ULK4: variants seen among roughly 807,000 people sequenced by gnomAD.
ULK4 encodes the protein inactive serine/threonine-protein kinase ULK4.
A neutral mutation model predicts 160.6 loss-of-function variants in ULK4; 133 were observed. The observed-to-expected ratio is 0.83, with a 90% CI of 0.72 to 0.96. The LOEUF is 0.96. Ranked by LOEUF, ULK4 falls within the 40% of genes least tolerant of loss-of-function variation. The probability of loss-of-function intolerance (pLI) is 0.00; values close to 1 mark genes in which losing one functional copy is unlikely to be tolerated. For synonymous variants in ULK4, 534 were observed against 539.8 expected, an observed-to-expected ratio of 0.99 and a Z score of 0.15; for missense variants, 1,580 against 1,499.5, an observed-to-expected ratio of 1.05 and a Z score of -0.89.
intron 30 of ULK4, among the ~76,000 whole-genome samples, chr3:41,628,790 T>A (rs571810672): frequency 6.6e-6 from 1 of 152,368 alleles, no homozygotes; most frequent in South Asian, 2.1e-4. Flanking sequence ...TGTAACATGT[T>A]AACAGTAGTG....
Position 41,249,571 on chromosome 3 carries a change from T to A in ULK4, c.3682A>T (p.Thr1228Ser). The change falls in exon 36 of 37, where the codon ACC (threonine) becomes TCC (serine). Residue 1228 changes from threonine (T) to serine (S), a missense_variant. Thr to Ser is a moderately conservative substitution (Grantham distance 58, BLOSUM62 1). Transcript: ENST00000301831. ...LLLRILRRMI[T>S]SNEKHLESLK... ...CTCTCCAAGTGCTTCTCATTGGAGGTGATCTGCAAGGGCAGGAGGAAGAAG... is the reference window on the plus strand; with the variant it reads ...CTCTCCAAGTGCTTCTCATTGGAGGAGATCTGCAAGGGCAGGAGGAAGAAG... 6.2e-7 allele frequency: 1 copy of A among 1,613,648 alleles called. No homozygotes were observed. The highest frequency in any genetic ancestry group is 8.5e-7 in the Non-Finnish European group (1 of 1,179,848).
intron 29 of ULK4, among the ~76,000 whole-genome samples, chr3:41,664,213 T>C (rs763279720): frequency 6.6e-6 from 1 of 152,172 alleles, no homozygotes; most frequent in Non-Finnish European, 1.5e-5. Flanking sequence ...AAGAGATCAA[T>C]AAACATTAGG....
chr3:41,844,967 C>CTTT (rs201354327), intron 17 of ULK4, among the ~76,000 whole-genome samples: 2,450 of 143,550 alleles, frequency 0.017, 47 homozygotes, highest in Non-Finnish European at 0.024. Context: ...ACCCAGATAT[C>CTTT]TTTTTTTTTT....
chr3:41,800,057 C>T (rs551935013), intron 20 of ULK4, 75 bp downstream of exon 20: 3 of 1,285,950 alleles, frequency 2.3e-6, no homozygotes, highest in Non-Finnish European at 3.1e-6. Flanking sequence ...TAAATTTATT[C>T]TTATTCTAAT....
At chr3:41,823,130 G>A (rs555622392) in intron 18 of ULK4, among the ~76,000 whole-genome samples, 17 of 152,264 alleles carry the variant, frequency 1.1e-4, no homozygotes, top group African/African-American at 4.1e-4. Context: ...TAGACAGGCT[G>A]GCTCCATCTC....
intron 21 of ULK4, among the ~76,000 whole-genome samples, chr3:41,789,081 G>C (rs1484086827): frequency 1.3e-5 from 2 of 152,150 alleles, no homozygotes; most frequent in Non-Finnish European, 2.9e-5. Flanking sequence ...TCTTTAACAA[G>C]GGACTAGAGA....
intron 19 of ULK4, among the ~76,000 whole-genome samples, chr3:41,817,066 C>CTGTGTG (rs55996693): frequency 0.014 from 2,157 of 148,962 alleles, 45 homozygotes; most frequent in African/African-American, 0.047. Context: ...TGTGGGGAAA[C>CTGTGTG]TGTGTGTGTG....
At chr3:41,733,367 T>G (rs1468858203) in intron 22 of ULK4, among the ~76,000 whole-genome samples, 3 of 152,096 alleles carry the variant, frequency 2.0e-5, no homozygotes, top group African/African-American at 7.2e-5. Context: ...TGATCTAGTT[T>G]GGAATACTGT....
intron 5 of ULK4, among the ~76,000 whole-genome samples, chr3:41,920,315 T>A (rs1699140022): frequency 6.6e-6 from 1 of 152,276 alleles, no homozygotes; most frequent in East Asian, 1.9e-4. Flanking sequence ...AATTCCCATC[T>A]CAAAGTTACT....
At position 41,849,728 on chromosome 3, in the gene ULK4, T is replaced by A. The variant is rs139541287; in HGVS notation, c.1657-13757A>T. Among the ~76,000 whole-genome samples, 1,195 of 152,324 alleles carry A rather than the reference T, an allele frequency of 7.8e-3. 12 individuals are homozygous for A. The highest frequency in any genetic ancestry group is 0.028 in the African/African-American group (1,151 of 41,568). On this transcript the variant is annotated intron_variant, in intron 17 of 36. Transcript: ENST00000301831. ...GGTGCAGGATGTTAATAGGGAAGGC[T>A]GTACATGTGTGAGGGCAGGGGTATA...
chr3:41,495,777 C>T (rs1231508016), intron 32 of ULK4, among the ~76,000 whole-genome samples: 1 of 151,602 alleles, frequency 6.6e-6, no homozygotes, highest in Non-Finnish European at 1.5e-5. Context: ...AGGATATGAA[C>T]AGACACTTCT....
At chr3:41,469,613 A>AAAAAAAAAAAAAC (rs2083922373) in intron 32 of ULK4, among the ~76,000 whole-genome samples, 1 of 147,770 alleles carries the variant, frequency 6.8e-6, no homozygotes, top group African/African-American at 2.5e-5. Context: ...AAAAAAAAAA[A>AAAAAAAAAAAAAC]AAAAAAAAAA....
intron 35 of ULK4, among the ~76,000 whole-genome samples, chr3:41,323,230 C>A (rs1016934486): frequency 6.6e-6 from 1 of 152,076 alleles, no homozygotes; most frequent in African/African-American, 2.4e-5. Flanking sequence ...AGCCACCATG[C>A]CCGGCCATTC....
rs1273428662 is a variant in ULK4 at position 41,264,193 on chromosome 3, AG to A, written c.3679-14620del. 3.3e-5 allele frequency among the ~76,000 whole-genome samples: 5 copies of A among 152,330 alleles called. No homozygotes were observed. The South Asian group carries it at 1.0e-3, about 32-fold the overall frequency. On this transcript the variant is annotated intron_variant, in intron 35 of 36. Coordinates refer to ENST00000301831, the MANE Select transcript of ULK4 (RefSeq NM_017886.4). ...CCTGAAGTGGGAACAGGTGAGGCAG[AG>A]ATTTTTTAAAGGTTGCAGAAGCAGG...
At chr3:41,578,354 C>T (rs772968615) in intron 31 of ULK4, among the ~76,000 whole-genome samples, 4 of 152,158 alleles carry the variant, frequency 2.6e-5, no homozygotes, top group Non-Finnish European at 5.9e-5. Flanking sequence ...TCCCAATTTC[C>T]ATAACCGAAG....
intron 35 of ULK4, among the ~76,000 whole-genome samples, chr3:41,355,391 C>G (rs556327581): frequency 6.6e-6 from 1 of 152,296 alleles, no homozygotes; most frequent in South Asian, 2.1e-4. Flanking sequence ...CTAACTTCTA[C>G]TTATAGATCA....
intron 22 of ULK4, among the ~76,000 whole-genome samples, chr3:41,729,811 T>C (rs1365064789): frequency 1.3e-5 from 2 of 152,258 alleles, no homozygotes; most frequent in African/African-American, 4.8e-5. Context: ...GCCACTGAAG[T>C]ACTCACAGGC....
At position 41,789,726 on chromosome 3, in the gene ULK4, T is replaced by A. The variant is rs1215273137; in HGVS notation, c.2128A>T (p.Met710Leu). 17 of 1,613,440 alleles carry A rather than the reference T, an allele frequency of 1.1e-5. No homozygotes were observed. Among genetic ancestry groups the A allele is most frequent in the Non-Finnish European group, 1.4e-5 (16 of 1,179,760 alleles). Residue 710 changes from methionine to leucine, a missense_variant, in exon 21 of 37, where the codon ATG becomes TTG. Transcript: ENST00000301831. ...AACATGGCAGCGAATAAGGTCAACA[T>A]GTACTGCTGAACTTTGCAGATGGCA... ...ASAICKVQQY[M>L]LTLFAAMLSC...
chr3:41,745,194 T>C (rs1042327827), intron 22 of ULK4, among the ~76,000 whole-genome samples: 1 of 150,714 alleles, frequency 6.6e-6, no homozygotes, highest in Non-Finnish European at 1.5e-5. Flanking sequence ...AAGGAAAATA[T>C]AAAAATCAGG....
Sources: allele counts gnomAD v4.1 joint callset (sites outside exome capture counted in the v4.1 genomes callset), GRCh38; gene constraint gnomAD v4.1.1; transcripts MANE v1.5; gene names NCBI Gene and HGNC (gene_info 2026-07-23, HGNC 2026-07-21).